Variants in PRIM2 observed in about 807,000 individuals in gnomAD.
PRIM2 encodes DNA primase large subunit.
In PRIM2, 39 loss-of-function variants were observed where a neutral mutation model predicts 67.3. The ratio of observed to expected loss-of-function variants is 0.58; its 90% CI spans 0.45 to 0.76. The LOEUF is 0.76. Among genes scored for constraint, PRIM2 ranks in the 30% least tolerant of loss-of-function variants. The probability of loss-of-function intolerance (pLI) is 0.00; values close to 1 mark genes in which losing one functional copy is unlikely to be tolerated. For synonymous variants in PRIM2, 143 were observed against 198.7 expected, an observed-to-expected ratio of 0.72 and a Z score of 2.36; for missense variants, 398 against 598.7, an observed-to-expected ratio of 0.66 and a Z score of 3.50.
chr6:57,482,951 A>C (rs1773665492), intron 7 of PRIM2, among the ~76,000 whole-genome samples: 2 of 152,080 alleles, frequency 1.3e-5, no homozygotes, highest in African/African-American at 2.4e-5. Flanking sequence ...GCTTTGTCGC[A>C]CAGGCTGGAG....
chr6:57,532,603 T>TA, intron 9 of PRIM2, 120 bp downstream of exon 9: 1 of 410,604 alleles, frequency 2.4e-6, no homozygotes, highest in East Asian at 3.6e-5. Context: ...TGATTAATTT[T>TA]AAAGAAAATC....
At position 57,532,494 on chromosome 6, in the gene PRIM2, C is replaced by T. The variant is rs2127468394; in HGVS notation, c.834+11C>T. 7.4e-7 allele frequency: 1 copy of T among 1,353,090 alleles called. No individual in the cohort carries two copies. Among genetic ancestry groups the T allele is most frequent in the South Asian group, 1.4e-5 (1 of 70,722 alleles). The allele number at this position is 1,353,090 out of a possible 1,614,324, so 83.8% of individuals were successfully genotyped here. A position where few individuals can be genotyped will look rare whatever the true frequency, so the allele number is the denominator to read the frequency against. On this transcript the variant is annotated intron_variant, in intron 9 of 13. Transcript: ENST00000615550. Reference sequence around the variant, plus strand: ...GATCAGATTGATTTGGTAAGTAGAACATTATTTTAAACTTAGAACTTTATC... The same window carrying T: ...GATCAGATTGATTTGGTAAGTAGAATATTATTTTAAACTTAGAACTTTATC...
chr6:57,622,344 G>T (rs1305691699), intron 12 of PRIM2, among the ~76,000 whole-genome samples: 7 of 152,148 alleles, frequency 4.6e-5, no homozygotes, highest in Middle Eastern at 3.2e-3. Context: ...TCATATTTCT[G>T]TTGAGAGCAC....
At chr6:57,467,121 G>A (rs1171508390) in intron 7 of PRIM2, among the ~76,000 whole-genome samples, 93,444 of 134,946 alleles carry the variant, frequency 0.69, 32,943 homozygotes, top group African/African-American at 0.78. Flanking sequence ...AAAAAAAAAA[G>A]AAAAGAAAAA....
chr6:57,241,692 T>TTTA, the PRIM2 span, among the ~76,000 whole-genome samples: 1 of 146,210 alleles, frequency 6.8e-6, no homozygotes, highest in Non-Finnish European at 1.5e-5. Context: ...CTATGTATTT[T>TTTA]TTTTTTTTTT....
At chr6:57,439,281 C>A (rs1772116862) in intron 7 of PRIM2, among the ~76,000 whole-genome samples, 1 of 151,728 alleles carries the variant, frequency 6.6e-6, no homozygotes. Flanking sequence ...TTGAATCTAA[C>A]CTTGGAAAAC....
intron 7 of PRIM2, among the ~76,000 whole-genome samples, chr6:57,450,124 G>A (rs1026246650): frequency 6.6e-6 from 1 of 151,972 alleles, no homozygotes. Flanking sequence ...TGTCATCCCA[G>A]GTGAATTAAA....
At chr6:57,309,537 T>G in the PRIM2 span, among the ~76,000 whole-genome samples, 1 of 152,172 alleles carries the variant, frequency 6.6e-6, no homozygotes, top group African/African-American at 2.4e-5. Context: ...ATCCAGTCTA[T>G]CACACATTTT....
the PRIM2 span, among the ~76,000 whole-genome samples, chr6:57,227,568 C>T: frequency 2.0e-5 from 3 of 149,072 alleles, no homozygotes; most frequent in South Asian, 2.1e-4. Flanking sequence ...TGCTTGAACC[C>T]GGGAGATGGA....
intron 5 of PRIM2, among the ~76,000 whole-genome samples, chr6:57,371,736 A>G (rs1485056559): frequency 1.3e-5 from 2 of 152,378 alleles, no homozygotes; most frequent in Middle Eastern, 3.4e-3. Flanking sequence ...TCGTGAAGAC[A>G]TGAAGATTTC....
intron 7 of PRIM2, among the ~76,000 whole-genome samples, chr6:57,392,442 G>A (rs1409493069): frequency 6.6e-6 from 1 of 151,854 alleles, no homozygotes; most frequent in East Asian, 1.9e-4. Flanking sequence ...TATATTTATA[G>A]TTTATTAATC....
rs1353936104 is a variant in PRIM2 at position 57,363,624 on chromosome 6, C to CTT, written c.460-16276_460-16275insTT. On this transcript the variant is annotated intron_variant, in intron 5 of 13. Transcript: ENST00000615550. ...TGCTGTGGGGAAATCAGCTGTTAGT[C>CTT]TAACTGTAGCTCATTTGAAGGTAAG... is the stretch of plus-strand genomic sequence containing the variant. 8.5e-5 allele frequency among the ~76,000 whole-genome samples: 13 copies of CTT among 152,294 alleles called. No homozygotes were observed. In the East Asian group the frequency reaches 2.5e-3, roughly 29 times the overall value.
intron 12 of PRIM2, among the ~76,000 whole-genome samples, chr6:57,627,008 T>C (rs1776959267): frequency 6.6e-6 from 1 of 151,728 alleles, no homozygotes; most frequent in African/African-American, 2.4e-5. Context: ...AGGCCAGGCA[T>C]GGTGGCTCAC....
At chr6:57,522,346 A>G (rs1774642733) in intron 8 of PRIM2, among the ~76,000 whole-genome samples, 1 of 152,180 alleles carries the variant, frequency 6.6e-6, no homozygotes, top group African/African-American at 2.4e-5. Flanking sequence ...CCAGAGAACT[A>G]TTTGATTGTT....
At chr6:57,630,811 A>C (rs1171414936) in intron 12 of PRIM2, among the ~76,000 whole-genome samples, 1 of 152,212 alleles carries the variant, frequency 6.6e-6, no homozygotes, top group Non-Finnish European at 1.5e-5. Flanking sequence ...CTGTGTGAAG[A>C]GCATCAGACA....
At chr6:57,437,768 C>G (rs1772061329) in intron 7 of PRIM2, among the ~76,000 whole-genome samples, 1 of 150,638 alleles carries the variant, frequency 6.6e-6, no homozygotes. Context: ...TGGGCTCAAG[C>G]GTTCCTCCTA....
intron 11 of PRIM2, among the ~76,000 whole-genome samples, chr6:57,606,000 A>T (rs1259744932): frequency 6.6e-6 from 1 of 152,178 alleles, no homozygotes; most frequent in East Asian, 1.9e-4. Flanking sequence ...TATGCCTTTT[A>T]TATAATTTTT....
intron 5 of PRIM2, among the ~76,000 whole-genome samples, chr6:57,367,080 T>A (rs1288962190): frequency 2.0e-5 from 3 of 152,314 alleles, no homozygotes; most frequent in Admixed American, 6.5e-5. Flanking sequence ...AGACAATTGA[T>A]TTTTATATTG....
At chr6:57,307,445 G>A in the PRIM2 span, among the ~76,000 whole-genome samples, 1 of 151,768 alleles carries the variant, frequency 6.6e-6, no homozygotes, top group Non-Finnish European at 1.5e-5. Flanking sequence ...AGTAGAGATG[G>A]GGTTTCACCG....
Sources: gnomAD v4.1 joint callset for allele counts (sites outside exome capture counted in the v4.1 genomes callset) on GRCh38, gnomAD v4.1.1 for gene constraint, MANE v1.5 for transcripts, NCBI Gene and HGNC (gene_info 2026-07-23, HGNC 2026-07-21) for gene names.